Variants in TET3 observed in about 807,000 individuals in gnomAD.
TET3 encodes tet methylcytosine dioxygenase 3.
In TET3, 19 loss-of-function variants were observed where a neutral mutation model predicts 141.4. The ratio of observed to expected loss-of-function variants is 0.13; its 90% CI spans 0.09 to 0.20. The LOEUF (loss-of-function observed/expected upper bound fraction) is 0.20. Ranked by LOEUF, TET3 falls within the 10% of genes least tolerant of loss-of-function variation. The probability of loss-of-function intolerance (pLI) is 1.00; values close to 1 mark genes in which losing one functional copy is unlikely to be tolerated. For synonymous variants in TET3, 1,043 were observed against 980.9 expected (o/e 1.06, Z -1.18); for missense variants, 1,874 against 2,356.9 (o/e 0.80, Z 4.24).
At chr2:74,113,006 C>CAA (rs60299737), downstream of TET3, among the ~76,000 whole-genome samples, 5,745 of 33,730 alleles carry the variant, frequency 0.17, 1,135 homozygotes, top group Middle Eastern at 0.26. Flanking sequence ...GACTCCGTCT[C>CAA]AAAAAAAAAA....
chr2:74,068,253 T>A (rs548724535), intron 4 of TET3, among the ~76,000 whole-genome samples: 3 of 152,146 alleles, frequency 2.0e-5, no homozygotes, highest in African/African-American at 7.2e-5. Context: ...TTTACTCTGC[T>A]ATTCTTAGAG....
chr2:74,012,281 A>T (rs1297213720), intron 3 of TET3, among the ~76,000 whole-genome samples: 1 of 152,130 alleles, frequency 6.6e-6, no homozygotes, highest in East Asian at 1.9e-4. Context: ...CCCATTAGTC[A>T]TTGTTAACCG....
chr2:74,007,146 T>G (rs1466002812), intron 3 of TET3, among the ~76,000 whole-genome samples: 1 of 152,214 alleles, frequency 6.6e-6, no homozygotes, highest in Admixed American at 6.5e-5. Context: ...ATTATAACTC[T>G]TGAGTGGGAA....
chr2:74,032,917 G>A (rs915195925), intron 3 of TET3, among the ~76,000 whole-genome samples: 1 of 151,816 alleles, frequency 6.6e-6, no homozygotes, highest in African/African-American at 2.4e-5. Flanking sequence ...TAATGGGTGG[G>A]AGTTTCAGGC....
At chr2:74,045,305 C>T (rs540116907) in intron 3 of TET3, among the ~76,000 whole-genome samples, 1 of 152,302 alleles carries the variant, frequency 6.6e-6, no homozygotes, top group Admixed American at 6.5e-5. Context: ...TTTAGAGATG[C>T]TTTGAGACCG....
At chr2:74,099,650 G>A in intron 11 of TET3, 38 bp downstream of exon 11, 1 of 1,502,398 alleles carries the variant, frequency 6.7e-7, no homozygotes, top group African/African-American at 1.4e-5. Context: ...AGTCACAATG[G>A]CACTGTCCTC....
At chr2:74,086,818 GT>G (rs1690186975) in intron 6 of TET3, among the ~76,000 whole-genome samples, 1 of 138,712 alleles carries the variant, frequency 7.2e-6, no homozygotes, top group African/African-American at 2.7e-5. Context: ...AAAAAAGTTT[GT>G]GTAGAAATAA....
Position 73,988,327 on chromosome 2 carries a change from C to CT in TET3, c.303+1623dup, listed in dbSNP as rs571353494. On this transcript the variant is annotated intron_variant, in intron 2 of 11. Coordinates refer to ENST00000409262, the MANE Select transcript of TET3 (RefSeq NM_001287491.2). The stretch of plus-strand genomic sequence containing the variant: ...CGCCTTTCCTTCTAGCATTCCTTTT[C>CT]TTCCCCAGCCCCCATTATCTTACTC... 2.6e-3 allele frequency among the ~76,000 whole-genome samples: 398 copies of CT among 152,298 alleles called. 1 individual carries two copies. Among genetic ancestry groups the CT allele is most frequent in the African/African-American group, 9.1e-3 (379 of 41,556 alleles).
At chr2:74,073,851 G>T in intron 5 of TET3, 2 of 445,166 alleles carry the variant, frequency 4.5e-6, no homozygotes. Flanking sequence ...ATGTCCCCCT[G>T]CTTCTCTCTG....
intron 3 of TET3, among the ~76,000 whole-genome samples, chr2:74,004,468 G>C (rs1217864647): frequency 6.6e-6 from 1 of 152,190 alleles, no homozygotes; most frequent in Non-Finnish European, 1.5e-5. Context: ...AGGCTGCAGG[G>C]TGTATCAGGA....
At chr2:74,021,220 T>C (rs1289786930) in intron 3 of TET3, among the ~76,000 whole-genome samples, 2 of 152,208 alleles carry the variant, frequency 1.3e-5, no homozygotes, top group Non-Finnish European at 1.5e-5. Flanking sequence ...CATCCACAGC[T>C]GCATCTCTGC....
chr2:74,063,056 G>C (rs966810603), intron 4 of TET3, among the ~76,000 whole-genome samples: 1 of 151,784 alleles, frequency 6.6e-6, no homozygotes, highest in Non-Finnish European at 1.5e-5. Flanking sequence ...GCTAATTTTT[G>C]TATTTTTAGC....
chr2:74,002,460 T>C (rs1356438533), intron 2 of TET3, among the ~76,000 whole-genome samples: 2 of 150,434 alleles, frequency 1.3e-5, no homozygotes, highest in Non-Finnish European at 3.0e-5. Flanking sequence ...CTTCTGGGTA[T>C]TACCTTCGGG....
At chr2:74,063,674 G>A (rs1003380419) in intron 4 of TET3, among the ~76,000 whole-genome samples, 13 of 151,978 alleles carry the variant, frequency 8.6e-5, no homozygotes, top group Admixed American at 4.6e-4. Flanking sequence ...TTGTTCAGTG[G>A]GTATAAAGTT....
At chr2:74,056,018 C>A (rs1379563497) in intron 4 of TET3, among the ~76,000 whole-genome samples, 1 of 152,194 alleles carries the variant, frequency 6.6e-6, no homozygotes, top group Non-Finnish European at 1.5e-5. Flanking sequence ...TTATAAACAA[C>A]AGAAAATGGA....
chr2:74,038,473 G>T (rs1342137434), intron 3 of TET3, among the ~76,000 whole-genome samples: 1 of 152,154 alleles, frequency 6.6e-6, no homozygotes, highest in Non-Finnish European at 1.5e-5. Flanking sequence ...CCCAGCGAGG[G>T]CAGGGAAAAG....
At chr2:74,118,798 T>C in the TET3 span, among the ~76,000 whole-genome samples, 2 of 152,246 alleles carry the variant, frequency 1.3e-5, no homozygotes, top group African/African-American at 4.8e-5. Context: ...TAAATACTTT[T>C]GTCTGTATGT....
chr2:74,097,955 A>G (rs1651571462), intron 10 of TET3, among the ~76,000 whole-genome samples: 1 of 152,232 alleles, frequency 6.6e-6, no homozygotes, highest in Non-Finnish European at 1.5e-5. Flanking sequence ...AAAAATATAG[A>G]AAATAAGAAA....
At chr2:73,995,128 T>C (rs1684528320) in intron 2 of TET3, among the ~76,000 whole-genome samples, 1 of 152,030 alleles carries the variant, frequency 6.6e-6, no homozygotes, top group African/African-American at 2.4e-5. Flanking sequence ...TCTGGCTAAT[T>C]TTTGTATTTT....
Sources: allele counts gnomAD v4.1 joint callset (sites outside exome capture counted in the v4.1 genomes callset), GRCh38; gene constraint gnomAD v4.1.1; transcripts MANE v1.5; gene names NCBI Gene and HGNC (gene_info 2026-07-23, HGNC 2026-07-21).